The following ENTREP1 variants were observed in gnomAD, a reference collection of about 807,000 sequenced individuals.
ENTREP1 encodes Friedreich ataxia region gene X123.
the ENTREP1 span, among the ~76,000 whole-genome samples, chr9:69,343,502 A>C: frequency 6.6e-6 from 1 of 152,082 alleles, no homozygotes. Flanking sequence ...GTGAAGTGGC[A>C]CCGTCGCAGC....
chr9:69,367,726 T>A, the ENTREP1 span, among the ~76,000 whole-genome samples: 1 of 51,886 alleles, frequency 1.9e-5, no homozygotes, highest in African/African-American at 5.7e-5. Context: ...CACATATATA[T>A]AAAAATATAT....
the ENTREP1 span, chr9:69,325,270 G>T: frequency 2.0e-6 from 2 of 976,266 alleles, no homozygotes; most frequent in Admixed American, 2.4e-4. Context: ...TCTGCCCGCC[G>T]CAGCCGGCCG....
At chr9:69,353,574 T>A in the ENTREP1 span, among the ~76,000 whole-genome samples, 1 of 152,368 alleles carries the variant, frequency 6.6e-6, no homozygotes, top group African/African-American at 2.4e-5. Context: ...ATAATCTTCC[T>A]AATGAATTTC....
chr9:69,362,447 A>T, the ENTREP1 span, among the ~76,000 whole-genome samples: 1 of 152,322 alleles, frequency 6.6e-6, no homozygotes, highest in African/African-American at 2.4e-5. Flanking sequence ...CAGAGCTGAG[A>T]TGAATTCAAA....
the ENTREP1 span, chr9:69,381,797 T>G: frequency 6.6e-6 from 1 of 152,248 alleles, no homozygotes; most frequent in African/African-American, 2.4e-5. Context: ...TCTAGCAGCA[T>G]CTTCCTTCAA....
chr9:69,385,646 C>G, the ENTREP1 span: 1 of 1,262,380 alleles, frequency 7.9e-7, no homozygotes, highest in Non-Finnish European at 1.0e-6. Context: ...CTTACTGGGC[C>G]AGCAGCCTGA....
At chr9:69,384,506 A>G in the ENTREP1 span, among the ~76,000 whole-genome samples, 1 of 152,196 alleles carries the variant, frequency 6.6e-6, no homozygotes, top group Non-Finnish European at 1.5e-5. Context: ...CAGGGGAAAA[A>G]AAGTTTCCTC....
chr9:69,340,621 G>GTA, the ENTREP1 span, among the ~76,000 whole-genome samples: 1 of 73,288 alleles, frequency 1.4e-5, no homozygotes, highest in Non-Finnish European at 2.7e-5. Flanking sequence ...GCATGTGTGT[G>GTA]TGCATGTGTG....
chr9:69,364,389 A>AT, the ENTREP1 span, among the ~76,000 whole-genome samples: 55,121 of 150,338 alleles, frequency 0.37, 10,221 homozygotes, highest in Admixed American at 0.43. Flanking sequence ...CCCTGCAATG[A>AT]TTTTTTTTTT....
At chr9:69,325,160 G>A in the ENTREP1 span, 1 of 1,036,462 alleles carries the variant, frequency 9.6e-7, no homozygotes, top group Non-Finnish European at 1.2e-6. Flanking sequence ...GCGGCAGCAA[G>A]TGGTTGGGCC....
At chr9:69,355,723 T>C in the ENTREP1 span, among the ~76,000 whole-genome samples, 811 of 152,334 alleles carry the variant, frequency 5.3e-3, 10 homozygotes, top group African/African-American at 0.014. Flanking sequence ...AGGTTGGGAA[T>C]CATCCGGAGG....
the ENTREP1 span, among the ~76,000 whole-genome samples, chr9:69,369,897 G>A: frequency 6.6e-6 from 1 of 152,106 alleles, no homozygotes; most frequent in African/African-American, 2.4e-5. Flanking sequence ...TAATTGGGCT[G>A]CTTGTCTCTT....
At chr9:69,340,620 T>TGTGC in the ENTREP1 span, among the ~76,000 whole-genome samples, 10 of 73,724 alleles carry the variant, frequency 1.4e-4, no homozygotes, top group East Asian at 3.4e-4. Context: ...TGCATGTGTG[T>TGTGC]GTGCATGTGT....
the ENTREP1 span, among the ~76,000 whole-genome samples, chr9:69,367,784 TAC>T: frequency 0.011 from 1,029 of 92,746 alleles, 44 homozygotes; most frequent in South Asian, 0.03. Flanking sequence ...TAAATATATA[TAC>T]ACACATATAT....
the ENTREP1 span, among the ~76,000 whole-genome samples, chr9:69,367,702 T>TACATATATATATACACATATATATAA: frequency 8.8e-6 from 1 of 113,770 alleles, no homozygotes; most frequent in African/African-American, 3.0e-5. Context: ...CACATATATA[T>TACATATATATATACACATATATATAA]AAATATATAT....
At chr9:69,369,679 A>G in the ENTREP1 span, among the ~76,000 whole-genome samples, 1 of 151,808 alleles carries the variant, frequency 6.6e-6, no homozygotes, top group Non-Finnish European at 1.5e-5. Context: ...TGAGAGTCCA[A>G]GTGTTCCTCA....
chr9:69,358,927 G>A, the ENTREP1 span, among the ~76,000 whole-genome samples: 4 of 116,408 alleles, frequency 3.4e-5, no homozygotes, highest in Non-Finnish European at 5.0e-5. Flanking sequence ...TTTTTGAGAC[G>A]GAGTCTTACC....
At chr9:69,377,612 ATGAATCCCAGATTTCTGC>A in the ENTREP1 span, 1 of 1,613,978 alleles carries the variant, frequency 6.2e-7, no homozygotes, top group South Asian at 1.1e-5. Flanking sequence ...TTTAATCAGG[ATGAATCCCAGATTTCTGC>A]TGAAGAAGCG....
chr9:69,326,439 G>A, the ENTREP1 span, among the ~76,000 whole-genome samples: 1 of 152,156 alleles, frequency 6.6e-6, no homozygotes, highest in Non-Finnish European at 1.5e-5. Context: ...GGAGTGCCCA[G>A]CAGCTAGCTA....
Sources: gnomAD v4.1 joint callset for allele counts (sites outside exome capture counted in the v4.1 genomes callset) on GRCh38, gnomAD v4.1.1 for gene constraint, MANE v1.5 for transcripts, NCBI Gene and HGNC (gene_info 2026-07-23, HGNC 2026-07-21) for gene names.